Variants in TRARG1 observed in about 807,000 individuals in gnomAD.
TRARG1 encodes trafficking regulator of GLUT4 (SLC2A4) 1 (gene/pseudogene), also known as trafficking regulator of GLUT4 1.
In TRARG1, 16 loss-of-function variants were observed where a neutral mutation model predicts 13.3. That is an observed-to-expected ratio of 1.20 (90% CI 0.81 to 1.83). The LOEUF (loss-of-function observed/expected upper bound fraction) is 1.83. Ranked by LOEUF, TRARG1 falls within the 40% of genes most tolerant of loss-of-function variation. TRARG1 has a pLI of 0.00. For synonymous variants in TRARG1, 113 were observed against 106.2 expected, an observed-to-expected ratio of 1.06 and a Z score of -0.39; for missense variants, 250 against 237.4, an observed-to-expected ratio of 1.05 and a Z score of -0.35.
intron 1 of TRARG1, among the ~76,000 whole-genome samples, chr17:1,281,133 T>C (rs1368954694): frequency 1.3e-5 from 2 of 152,208 alleles, no homozygotes; most frequent in Non-Finnish European, 2.9e-5. Context: ...CATGGGATTT[T>C]GAATGAATTG....
intron 1 of TRARG1, among the ~76,000 whole-genome samples, chr17:1,290,257 G>C (rs1180317561): frequency 6.6e-6 from 1 of 152,198 alleles, no homozygotes; most frequent in African/African-American, 2.4e-5. Flanking sequence ...TGTTCCTGCA[G>C]GACAAAATCC....
chr17:1,282,094 A>G (rs1299416825), intron 1 of TRARG1, among the ~76,000 whole-genome samples: 4 of 113,530 alleles, frequency 3.5e-5, no homozygotes, highest in Admixed American at 9.6e-5. Context: ...GTACATATAT[A>G]CGTATATGTG....
chr17:1,287,356 G>GT (rs373850155), intron 1 of TRARG1, among the ~76,000 whole-genome samples: 1,776 of 150,144 alleles, frequency 0.012, 38 homozygotes, highest in African/African-American at 0.037. Context: ...TGTTGTTTTT[G>GT]TTTTTTTTTG....
intron 1 of TRARG1, among the ~76,000 whole-genome samples, chr17:1,286,229 G>A (rs1567929718): frequency 1.3e-5 from 2 of 152,210 alleles, no homozygotes; most frequent in Non-Finnish European, 2.9e-5. Context: ...GTCCAAGGTC[G>A]TTTGCTAAGA....
chr17:1,292,466 C>T (rs904288367), intron 1 of TRARG1, among the ~76,000 whole-genome samples: 1 of 152,176 alleles, frequency 6.6e-6, no homozygotes, highest in African/African-American at 2.4e-5. Context: ...TGGTGCTGCT[C>T]GAGCCCTGCC....
intron 1 of TRARG1, among the ~76,000 whole-genome samples, chr17:1,285,207 C>T (rs1281869486): frequency 6.6e-6 from 1 of 151,816 alleles, no homozygotes; most frequent in Non-Finnish European, 1.5e-5. Flanking sequence ...GTCAGGAGTT[C>T]GAGACCAGCC....
Position 1,298,533 on chromosome 17 carries a change from C to T in TRARG1, c.*269C>T. On this transcript the variant is annotated 3_prime_UTR_variant, in exon 3 of 3. Coordinates refer to ENST00000333813, the MANE Select transcript of TRARG1 (RefSeq NM_172367.3). ...GTCCTGGGATCTCAACCCCAGCAGT[C>T]TGGCTTGTTTCTCATTCCCACAATT... 1 of 420,380 alleles carries T rather than the reference C, an allele frequency of 2.4e-6. No homozygotes were observed. The highest frequency in any genetic ancestry group is 4.2e-6 in the Non-Finnish European group (1 of 237,622). The allele number at this position is 420,380 out of a possible 1,614,324, so 26.0% of individuals were successfully genotyped here.
intron 1 of TRARG1, among the ~76,000 whole-genome samples, chr17:1,288,464 T>C (rs1212464521): frequency 7.0e-5 from 3 of 43,032 alleles, no homozygotes; most frequent in African/African-American, 1.0e-4. Flanking sequence ...GGGTTCCTCA[T>C]CCCCCACGGG....
At chr17:1,291,182 C>G (rs2072066736) in intron 1 of TRARG1, among the ~76,000 whole-genome samples, 1 of 151,240 alleles carries the variant, frequency 6.6e-6, no homozygotes, top group African/African-American at 2.4e-5. Flanking sequence ...GTGATCTCGG[C>G]TCACTGCAAC....
rs2072138494 is a variant in TRARG1, at chr17:1,299,399, T to G, written c.*1135T>G. ...ATGGGGGTCTGTTGTTTGACCGTCC[T>G]GAGACCGAGGGAAGGGCTCAGCTGA... On this transcript the variant is annotated 3_prime_UTR_variant, in exon 3 of 3. Transcript: ENST00000333813. 1 of 152,254 alleles carries G rather than the reference T, an allele frequency of 6.6e-6. No homozygotes were observed. The highest frequency in any genetic ancestry group is 2.4e-5 in the African/African-American group (1 of 41,436). The allele number at this position is 152,254 out of a possible 1,614,324, so 9.4% of individuals were successfully genotyped here.
At chr17:1,281,610 C>A (rs950793148) in intron 1 of TRARG1, among the ~76,000 whole-genome samples, 1 of 152,102 alleles carries the variant, frequency 6.6e-6, no homozygotes, top group African/African-American at 2.4e-5. Context: ...GAAGCAGGGC[C>A]GGGCAGGGGC....
intron 1 of TRARG1, among the ~76,000 whole-genome samples, chr17:1,282,115 T>C (rs1323910239): frequency 9.3e-6 from 1 of 107,460 alleles, no homozygotes; most frequent in Admixed American, 1.1e-4. Flanking sequence ...TACACATAAA[T>C]GCACATATGT....
At chr17:1,280,706 G>C (rs1397887672) in intron 1 of TRARG1, among the ~76,000 whole-genome samples, 3 of 152,182 alleles carry the variant, frequency 2.0e-5, no homozygotes, top group Non-Finnish European at 4.4e-5. Context: ...AGCCAGGCTG[G>C]GGGTCTTGCT....
At chr17:1,284,563 G>C (rs1211259668) in intron 1 of TRARG1, among the ~76,000 whole-genome samples, 1 of 152,250 alleles carries the variant, frequency 6.6e-6, no homozygotes, top group African/African-American at 2.4e-5. Flanking sequence ...CCCTCTAAGA[G>C]TGGGTTGTAC....
In TRARG1 at chr17:1,291,399, C is replaced by T. The variant is rs757556939; in HGVS notation, c.388-4092C>T. The stretch of plus-strand genomic sequence containing the variant: ...CTGCTGGGATTACAGGCGTGAGCCA[C>T]CGCGCCTACCAATCTGATGGTTTTA... On this transcript the variant is annotated intron_variant, in intron 1 of 2. Transcript: ENST00000333813. Among the ~76,000 whole-genome samples, 4 of 152,366 alleles carry T rather than the reference C, an allele frequency of 2.6e-5. No individual in the cohort carries two copies. The East Asian group carries it at 7.7e-4, about 29-fold the overall frequency.
rs1429130001 is a variant in TRARG1 at position 1,282,233 on chromosome 17, TACGTATATGC to T, written c.387+1855_387+1864del. Among the ~76,000 whole-genome samples, 202 of 124,096 alleles carry T rather than the reference TACGTATATGC, an allele frequency of 1.6e-3. 16 individuals carry two copies. Among genetic ancestry groups the T allele is most frequent in the African/African-American group, 6.3e-3 (192 of 30,624 alleles). 81.4% of individuals were successfully genotyped at this position (124,096 alleles called of 152,430 possible). ...ATGTACGTATACACGTGCGTATATG[TACGTATATGC>T]ACGTATATGTACGTATATGTACATA... On this transcript the variant is annotated intron_variant, in intron 1 of 2. Transcript: ENST00000333813.
Position 1,298,527 on chromosome 17 carries a change from A to C in TRARG1, c.*263A>C. 2 of 431,866 alleles carry C rather than the reference A, an allele frequency of 4.6e-6. 1 individual carries two copies. The highest frequency in any genetic ancestry group is 6.8e-5 in the East Asian group (2 of 29,204). The allele number at this position is 431,866 out of a possible 1,614,324, so 26.8% of individuals were successfully genotyped here. ...GGACGCGTCCTGGGATCTCAACCCC[A>C]GCAGTCTGGCTTGTTTCTCATTCCC... On this transcript the variant is annotated 3_prime_UTR_variant, in exon 3 of 3. Coordinates refer to ENST00000333813, the MANE Select transcript of TRARG1 (RefSeq NM_172367.3).
intron 1 of TRARG1, among the ~76,000 whole-genome samples, chr17:1,292,477 T>C (rs2072076081): frequency 6.6e-6 from 1 of 152,188 alleles, no homozygotes; most frequent in Non-Finnish European, 1.5e-5. Flanking sequence ...GAGCCCTGCC[T>C]GGCCTAGCCC....
At position 1,298,419 on chromosome 17, in the gene TRARG1, C is replaced by G. The variant is rs371396056; in HGVS notation, c.*155C>G. On this transcript the variant is annotated 3_prime_UTR_variant, in exon 3 of 3. Coordinates refer to ENST00000333813, the MANE Select transcript of TRARG1 (RefSeq NM_172367.3). The stretch of plus-strand genomic sequence containing the variant: ...CAAAGGGAAACCCCCCAGTCACCCA[C>G]TGTCAGCCCCCATCTGACAAGAAAG... 4.2e-5 allele frequency: 31 copies of G among 734,500 alleles called. No homozygotes were observed. The highest frequency in any genetic ancestry group is 8.9e-5 in the African/African-American group (5 of 56,310). The allele number at this position is 734,500 out of a possible 1,614,324, so 45.5% of individuals were successfully genotyped here. A position where few individuals can be genotyped will look rare whatever the true frequency, so the allele number is the denominator to read the frequency against.
Sources: allele counts gnomAD v4.1 joint callset (sites outside exome capture counted in the v4.1 genomes callset), GRCh38; gene constraint gnomAD v4.1.1; transcripts MANE v1.5; gene names NCBI Gene and HGNC (gene_info 2026-07-23, HGNC 2026-07-21).